Variants in RABGAP1L observed in about 807,000 individuals in gnomAD.
The protein encoded by RABGAP1L is rab GTPase-activating protein 1-like.
A neutral mutation model predicts 137.7 loss-of-function variants in RABGAP1L; 63 were observed. That is an observed-to-expected ratio of 0.46 (90% CI 0.37 to 0.56). The LOEUF is 0.56. Ranked by LOEUF, RABGAP1L falls within the 20% of genes least tolerant of loss-of-function variation. The pLI, the probability that RABGAP1L is intolerant of heterozygous loss-of-function variation, is 0.00. For synonymous variants in RABGAP1L, 431 were observed against 433.7 expected (o/e 0.99, Z 0.08); for missense variants, 1,095 against 1,244.0 (o/e 0.88, Z 1.80).
chr1:174,920,259 G>C (rs1661573008), intron 19 of RABGAP1L, among the ~76,000 whole-genome samples: 1 of 152,200 alleles, frequency 6.6e-6, no homozygotes, highest in Non-Finnish European at 1.5e-5. Context: ...ACCTGGCTGG[G>C]GAAGCCTCAC....
At position 174,954,893 on chromosome 1, in the gene RABGAP1L, G is replaced by A. The variant is rs1168400032; in HGVS notation, c.2341-2564G>A. On this transcript the variant is annotated intron_variant, in intron 19 of 25. Coordinates refer to ENST00000681986, the MANE Select transcript of RABGAP1L (RefSeq NM_001366446.1). The stretch of plus-strand genomic sequence containing the variant: ...TAGCTCCAGGGCTATTTTAGTGCTA[G>A]TGATTTGCAACTTCATCTTCAGAGT... Among the ~76,000 whole-genome samples the A allele has an allele frequency of 5.3e-5, 8 of 152,200 alleles. No homozygotes were observed. In the East Asian group the frequency reaches 1.5e-3, roughly 29 times the overall value.
intron 1 of RABGAP1L, among the ~76,000 whole-genome samples, chr1:174,203,411 G>A (rs540133282): frequency 2.2e-4 from 34 of 152,296 alleles, no homozygotes; most frequent in South Asian, 1.0e-3. Context: ...AAGATCAGAT[G>A]GTTGTAGGTG....
chr1:174,282,685 T>G (rs1262230346), intron 10 of RABGAP1L, among the ~76,000 whole-genome samples: 2 of 152,198 alleles, frequency 1.3e-5, no homozygotes, highest in Non-Finnish European at 2.9e-5. Flanking sequence ...AAGGAAATTT[T>G]GCCTACCTCA....
chr1:174,403,199 A>T (rs1157984626), intron 13 of RABGAP1L, among the ~76,000 whole-genome samples: 1 of 140,050 alleles, frequency 7.1e-6, no homozygotes. Flanking sequence ...GTATGTGGTT[A>T]TATATGAGAG....
chr1:174,322,930 G>T lies in RABGAP1L; in HGVS notation c.1465+17803G>T, dbSNP rs549341505. 3.3e-5 allele frequency among the ~76,000 whole-genome samples: 5 copies of T among 152,186 alleles called. No homozygotes were observed. In the South Asian group the frequency reaches 1.0e-3, roughly 32 times the overall value. On this transcript the variant is annotated intron_variant, in intron 11 of 25. Coordinates refer to ENST00000681986, the MANE Select transcript of RABGAP1L (RefSeq NM_001366446.1). The stretch of plus-strand genomic sequence containing the variant: ...AGGTGTGAGAAGCATCTAACAGAAA[G>T]TTACTTGAAAACAAGATTTCAGGTA...
chr1:174,170,238 T>G (rs568763803), intron 1 of RABGAP1L, among the ~76,000 whole-genome samples: 1 of 152,286 alleles, frequency 6.6e-6, no homozygotes, highest in Middle Eastern at 3.4e-3. Flanking sequence ...GAGCTAATAT[T>G]GAGTGTTTAC....
At chr1:174,635,511 A>T (rs1369136019) in intron 13 of RABGAP1L, among the ~76,000 whole-genome samples, 4 of 152,188 alleles carry the variant, frequency 2.6e-5, no homozygotes, top group Non-Finnish European at 5.9e-5. Flanking sequence ...TTTATATAAT[A>T]CCTTTATACT....
intron 17 of RABGAP1L, among the ~76,000 whole-genome samples, chr1:174,715,613 T>C (rs1680933678): frequency 1.3e-5 from 2 of 152,230 alleles, no homozygotes; most frequent in Admixed American, 1.3e-4. Context: ...AATTTAGAAA[T>C]AGGTTTTTCA....
At chr1:174,184,082 T>G (rs112575210) in intron 1 of RABGAP1L, among the ~76,000 whole-genome samples, 2,140 of 152,068 alleles carry the variant, frequency 0.014, 61 homozygotes, top group African/African-American at 0.049. Context: ...TTAGCCAGGA[T>G]AGTCTTGATC....
At chr1:174,986,398 T>C (rs1322771831) in intron 24 of RABGAP1L, among the ~76,000 whole-genome samples, 1 of 152,212 alleles carries the variant, frequency 6.6e-6, no homozygotes, top group South Asian at 2.1e-4. Flanking sequence ...CCTCTAAACT[T>C]CTGCTTACAT....
chr1:174,323,053 A>G (rs1680140505), intron 11 of RABGAP1L, among the ~76,000 whole-genome samples: 1 of 152,152 alleles, frequency 6.6e-6, no homozygotes, highest in East Asian at 1.9e-4. Context: ...GCTACTCCAT[A>G]AGAATATATT....
chr1:174,820,987 AGCCTGG>A (rs1690961683), intron 19 of RABGAP1L, among the ~76,000 whole-genome samples: 1 of 149,288 alleles, frequency 6.7e-6, no homozygotes, highest in African/African-American at 2.5e-5. Flanking sequence ...ACTGCACTCC[AGCCTGG>A]GCGACAGAGT....
chr1:174,175,678 T>G (rs1180258423), intron 1 of RABGAP1L, among the ~76,000 whole-genome samples: 1 of 146,826 alleles, frequency 6.8e-6, no homozygotes, highest in Admixed American at 7.0e-5. Context: ...CAGGCTGGAG[T>G]GCAATGGTGC....
intron 19 of RABGAP1L, among the ~76,000 whole-genome samples, chr1:174,841,719 T>C (rs1693427885): frequency 6.6e-6 from 1 of 151,696 alleles, no homozygotes; most frequent in Non-Finnish European, 1.5e-5. Flanking sequence ...AAGAAGAGAA[T>C]CCTAAGAAAA....
intron 13 of RABGAP1L, among the ~76,000 whole-genome samples, chr1:174,443,384 T>G (rs1167949189): frequency 6.6e-6 from 1 of 152,114 alleles, no homozygotes; most frequent in Non-Finnish European, 1.5e-5. Flanking sequence ...CCAGCGTTTG[T>G]TACTTTTTGT....
chr1:174,327,264 A>G (rs1011341358), intron 11 of RABGAP1L, among the ~76,000 whole-genome samples: 1 of 152,170 alleles, frequency 6.6e-6, no homozygotes, highest in South Asian at 2.1e-4. Context: ...AGCAACTACA[A>G]TAATTTGCTA....
chr1:174,559,944 G>C (rs938024300), intron 13 of RABGAP1L, among the ~76,000 whole-genome samples: 2 of 152,108 alleles, frequency 1.3e-5, no homozygotes, highest in Admixed American at 6.5e-5. Context: ...GACCAGCCTG[G>C]CCAACATGGT....
At chr1:174,173,412 G>A (rs1665572546) in intron 1 of RABGAP1L, among the ~76,000 whole-genome samples, 1 of 152,192 alleles carries the variant, frequency 6.6e-6, no homozygotes, top group African/African-American at 2.4e-5. Context: ...TTACAGGCGT[G>A]AGCCACAGCA....
intron 11 of RABGAP1L, among the ~76,000 whole-genome samples, chr1:174,344,568 T>C (rs1682276398): frequency 6.6e-6 from 1 of 152,224 alleles, no homozygotes; most frequent in Non-Finnish European, 1.5e-5. Context: ...TACAGCTGCA[T>C]ATTTTCAGTG....
Sources: gnomAD v4.1 joint callset for allele counts (sites outside exome capture counted in the v4.1 genomes callset) on GRCh38, gnomAD v4.1.1 for gene constraint, MANE v1.5 for transcripts, NCBI Gene and HGNC (gene_info 2026-07-23, HGNC 2026-07-21) for gene names.